The following MCF2 variants were observed in gnomAD, a reference collection of about 807,000 sequenced individuals.
MCF2 encodes the protein MCF.2 cell line derived transforming sequence.
A neutral mutation model predicts 82.5 loss-of-function variants in MCF2; 44 were observed. That is an observed-to-expected ratio of 0.53 (90% CI 0.42 to 0.69). The LOEUF (loss-of-function observed/expected upper bound fraction) is 0.69. Among genes scored for constraint, MCF2 ranks in the 30% least tolerant of loss-of-function variants. MCF2 has a pLI of 0.00. For missense variants in MCF2, 623 were observed against 663.1 expected (o/e 0.94, Z 0.66); for synonymous variants, 217 against 224.9 (o/e 0.96, Z 0.32).
At chrX:139,625,243 A>T (rs186676757) in intron 6 of MCF2, among the ~76,000 whole-genome samples, 1 of 111,623 alleles carries the variant, frequency 9.0e-6, no homozygotes, top group African/African-American at 3.3e-5. Context: ...GTATGCATGC[A>T]AATTAATATG....
chrX:139,631,303 T>C (rs56130809), intron 3 of MCF2, 92 bp downstream of exon 6: 1 of 416,987 alleles, frequency 2.4e-6, no homozygotes, highest in South Asian at 5.7e-5. Context: ...TGTTTTGTTT[T>C]GTTTTTTTCA....
In MCF2 at chrX:139,692,105, C is replaced by G. The variant is rs1935284421; in HGVS notation, c.-45+16001G>C. 3 of 1,161,386 alleles carry G rather than the reference C, an allele frequency of 2.6e-6. No homozygotes were observed. The East Asian group carries it at 9.9e-5, about 38-fold the overall frequency. ...CGCAGGACACTGAGGTCCACGGCGC[C>G]GAAGCGGCAGCTTGGGGCATGTGCC... On this transcript the variant is annotated intron_variant, in intron 1 of 27. Transcript: ENST00000414978.
intron 1 of MCF2, among the ~76,000 whole-genome samples, chrX:139,659,762 T>C (rs1934307053): frequency 9.0e-6 from 1 of 111,592 alleles, no homozygotes; most frequent in African/African-American, 3.3e-5. Flanking sequence ...CAAATAAAAA[T>C]AGAAAGGGAA....
At chrX:139,623,019 C>A (rs1846224759) in intron 6 of MCF2, among the ~76,000 whole-genome samples, 1 of 110,941 alleles carries the variant, frequency 9.0e-6, no homozygotes, top group South Asian at 3.8e-4. Flanking sequence ...CAGAGAAATG[C>A]AAATCAAATG....
At chrX:139,694,744 C>T (rs765837817) in intron 1 of MCF2, among the ~76,000 whole-genome samples, 1 of 110,878 alleles carries the variant, frequency 9.0e-6, no homozygotes, top group Non-Finnish European at 1.9e-5. Context: ...TTGGAAGCAA[C>T]CCACATGACA....
upstream of MCF2, among the ~76,000 whole-genome samples, chrX:139,644,770 T>C (rs966227032): frequency 2.7e-5 from 3 of 111,989 alleles, no homozygotes; most frequent in Non-Finnish European, 5.6e-5. Context: ...CTGGCAATGT[T>C]GGAATCTCAA....
At chrX:139,628,730 A>G (rs1019738715) in intron 4 of MCF2, among the ~76,000 whole-genome samples, 1 of 112,305 alleles carries the variant, frequency 8.9e-6, no homozygotes, top group Non-Finnish European at 1.9e-5. Flanking sequence ...GATGAGAGAG[A>G]CAAGTTATAT....
intron 1 of MCF2, among the ~76,000 whole-genome samples, chrX:139,696,362 C>T (rs748962592): frequency 1.1e-4 from 11 of 103,733 alleles, no homozygotes; most frequent in African/African-American, 3.6e-4. Flanking sequence ...CTCTCCTCTC[C>T]TCTCCTCTCC....
At chrX:139,637,938 G>A (rs1341874171) in intron 1 of MCF2, among the ~76,000 whole-genome samples, 4 of 111,378 alleles carry the variant, frequency 3.6e-5, no homozygotes, top group Non-Finnish European at 5.7e-5. Flanking sequence ...TGATGCAGGG[G>A]TATAAACCAA....
At chrX:139,582,877 G>A (rs995205901) in intron 24 of MCF2, among the ~76,000 whole-genome samples, 6 of 111,511 alleles carry the variant, frequency 5.4e-5, no homozygotes, top group African/African-American at 1.6e-4. Context: ...CTTTTTGCTC[G>A]CATTTAACAA....
Position 139,630,410 on chromosome X carries a change from A to G in MCF2, c.289-566T>C, listed in dbSNP as rs751097360. On this transcript the variant is annotated intron_variant, in intron 3 of 24. Coordinates refer to ENST00000370576, the Ensembl canonical transcript of MCF2. Reference sequence around the variant, plus strand: ...GCCCCAAAGCCTTTGTTGCCATAAAATGGTAAGTACGGTTTTGTTGTTTCT... The same window carrying G: ...GCCCCAAAGCCTTTGTTGCCATAAAGTGGTAAGTACGGTTTTGTTGTTTCT... Among the ~76,000 whole-genome samples, 6 of 111,949 alleles carry G rather than the reference A, an allele frequency of 5.4e-5. No individual in the cohort carries two copies. In the South Asian group the frequency reaches 2.2e-3, roughly 41 times the overall value.
At chrX:139,643,862 C>T (rs1933696419), upstream of MCF2, among the ~76,000 whole-genome samples, 1 of 111,797 alleles carries the variant, frequency 8.9e-6, no homozygotes, top group African/African-American at 3.3e-5. Context: ...AAAAAACTAA[C>T]GTCAGGTGCC....
intron 1 of MCF2, among the ~76,000 whole-genome samples, chrX:139,638,769 C>T (rs1933385065): frequency 8.9e-6 from 1 of 111,994 alleles, no homozygotes; most frequent in Admixed American, 9.5e-5. Flanking sequence ...TAGATCTGAA[C>T]ATCAATCAAT....
intron 1 of MCF2, among the ~76,000 whole-genome samples, chrX:139,669,666 T>C (rs911078899): frequency 3.6e-5 from 4 of 112,095 alleles, no homozygotes; most frequent in Admixed American, 9.5e-5. Context: ...AACTGTAGAA[T>C]GGGTAAACAA....
At chrX:139,649,305 A>T (rs1249963921) in intron 2 of MCF2, among the ~76,000 whole-genome samples, 1 of 111,877 alleles carries the variant, frequency 8.9e-6, no homozygotes, top group African/African-American at 3.2e-5. Flanking sequence ...AATGGCATCC[A>T]CTGAAGAGTT....
At chrX:139,593,872 C>T (rs1929773541) in intron 19 of MCF2, among the ~76,000 whole-genome samples, 1 of 111,041 alleles carries the variant, frequency 9.0e-6, no homozygotes, top group Non-Finnish European at 1.9e-5. Flanking sequence ...GCAACTTCAG[C>T]AAAGTCTCAG....
chrX:139,597,655 C>T (rs758319526), intron 17 of MCF2, 70 bp from the exon 22 acceptor site: 934 of 906,415 alleles, frequency 1.0e-3, no homozygotes, highest in Non-Finnish European at 1.3e-3. Context: ...AAGTTTTTGG[C>T]TAACATGCTT....
At chrX:139,672,187 T>C (rs1323410455) in intron 1 of MCF2, among the ~76,000 whole-genome samples, 1 of 112,579 alleles carries the variant, frequency 8.9e-6, no homozygotes, top group Non-Finnish European at 1.9e-5. Context: ...TTTGCTGAAG[T>C]TGCTTCTCAG....
At chrX:139,605,537 T>G (rs1930924157) in intron 13 of MCF2, among the ~76,000 whole-genome samples, 176 bp downstream of exon 17, 1 of 111,196 alleles carries the variant, frequency 9.0e-6, no homozygotes, top group Non-Finnish European at 1.9e-5. Flanking sequence ...AGGGAGAGCC[T>G]GAATGTGCAC....
Sources: allele counts gnomAD v4.1 joint callset (sites outside exome capture counted in the v4.1 genomes callset), GRCh38; gene constraint gnomAD v4.1.1; transcripts MANE v1.5; gene names NCBI Gene and HGNC (gene_info 2026-07-23, HGNC 2026-07-21).